Variants in ALPK3 observed in about 807,000 individuals in gnomAD.
The protein encoded by ALPK3 is alpha-protein kinase 3.
ALPK3 carries 102 observed loss-of-function variants against 140.0 expected under a neutral mutation model. The observed-to-expected ratio is 0.73, with a 90% confidence interval of 0.62 to 0.86. The LOEUF (loss-of-function observed/expected upper bound fraction) is 0.86. Among genes scored for constraint, ALPK3 ranks in the 40% least tolerant of loss-of-function variants. The pLI is 0.00. For missense variants in ALPK3, 2,254 were observed against 2,208.2 expected, an observed-to-expected ratio of 1.02 and a Z score of -0.42; for synonymous variants, 938 against 898.5, an observed-to-expected ratio of 1.04 and a Z score of -0.79.
chr15:84,847,262 T>G (rs1157166730), intron 5 of ALPK3, among the ~76,000 whole-genome samples: 1 of 103,074 alleles, frequency 9.7e-6, no homozygotes, highest in Admixed American at 1.0e-4. Flanking sequence ...ATCAGAAAAA[T>G]CAATGAACAG....
At chr15:84,824,648 C>T (rs1012379769) in intron 2 of ALPK3, among the ~76,000 whole-genome samples, 4 of 152,120 alleles carry the variant, frequency 2.6e-5, no homozygotes, top group Non-Finnish European at 5.9e-5. Context: ...GTGTGGTAAG[C>T]GTTGACAGGA....
At chr15:84,827,432 T>G in intron 2 of ALPK3, 52 bp from the exon 3 acceptor site, 1 of 1,610,850 alleles carries the variant, frequency 6.2e-7, no homozygotes. Flanking sequence ...GGCCAGGCTG[T>G]GCTGTTTGTT....
chr15:84,823,430 G>A, intron 2 of ALPK3, 62 bp downstream of exon 2: 2 of 1,582,516 alleles, frequency 1.3e-6, no homozygotes, highest in Non-Finnish European at 1.7e-6. Flanking sequence ...GCATTGAGGG[G>A]CCACTGAGTG....
chr15:84,867,256 A>T (rs1964012159), intron 12 of ALPK3, 61 bp from the exon 13 acceptor site: 2 of 1,539,320 alleles, frequency 1.3e-6, no homozygotes, highest in African/African-American at 2.8e-5. Flanking sequence ...TTCCTGCTGG[A>T]GATGTGGGGG....
At chr15:84,827,003 G>A (rs1026063992) in intron 2 of ALPK3, among the ~76,000 whole-genome samples, 9 of 152,190 alleles carry the variant, frequency 5.9e-5, no homozygotes, top group African/African-American at 2.2e-4. Flanking sequence ...CTCTAGGAGA[G>A]GCTCCTGTGC....
chr15:84,847,477 A>T (rs1350498092), intron 5 of ALPK3, among the ~76,000 whole-genome samples: 12 of 152,222 alleles, frequency 7.9e-5, no homozygotes, highest in Non-Finnish European at 1.6e-4. Context: ...GAAACCTCAT[A>T]GCCAAACTGT....
chr15:84,853,912 G>A (rs1279872677), intron 5 of ALPK3, among the ~76,000 whole-genome samples: 1 of 152,148 alleles, frequency 6.6e-6, no homozygotes, highest in South Asian at 2.1e-4. Flanking sequence ...TCTTTAGGAG[G>A]CTGAGGTGGG....
At chr15:84,827,731 T>C in intron 3 of ALPK3, 126 bp downstream of exon 3, 1 of 1,324,434 alleles carries the variant, frequency 7.6e-7, no homozygotes, top group Non-Finnish European at 1.0e-6. Flanking sequence ...TGACATTTAC[T>C]TTCTGAGCTT....
intron 5 of ALPK3, among the ~76,000 whole-genome samples, chr15:84,845,801 G>A (rs183138954): frequency 1.3e-5 from 2 of 152,354 alleles, no homozygotes; most frequent in African/African-American, 4.8e-5. Flanking sequence ...GCTCATGCCT[G>A]TAATCCCAGC....
intron 12 of ALPK3, among the ~76,000 whole-genome samples, chr15:84,866,294 A>G (rs779976249): frequency 1.3e-5 from 2 of 152,258 alleles, no homozygotes; most frequent in Non-Finnish European, 1.5e-5. Flanking sequence ...ACACTAAGTT[A>G]GAGTCCTACA....
chr15:84,832,304 C>T (rs1259298680), intron 3 of ALPK3, among the ~76,000 whole-genome samples: 2 of 152,160 alleles, frequency 1.3e-5, no homozygotes, highest in African/African-American at 4.8e-5. Flanking sequence ...AGTCAGTTTC[C>T]ACTTGTCCAT....
rs770534552 is a variant in ALPK3 at position 84,863,627 on chromosome 15, G to T, written c.4486G>T (p.Gly1496Trp). The change falls in exon 11 of 14, where the codon GGG becomes TGG. Residue 1496 changes from glycine (G) to tryptophan (W), a missense_variant. Transcript: ENST00000258888. The stretch of plus-strand genomic sequence containing the variant: ...AGAAGCCCGGGCCGCGCCTGGCTTT[G>T]GGGAGGTGCCTGAGTAAGTACGCAG... ...AAEARAAPGF[G>W]EVPEIIPLYL... 6.2e-7 allele frequency: 1 copy of T among 1,613,842 alleles called. No homozygotes were observed. The highest frequency in any genetic ancestry group is 1.3e-5 in the African/African-American group (1 of 74,908).
chr15:84,825,424 C>T (rs916800058), intron 2 of ALPK3, among the ~76,000 whole-genome samples: 1 of 152,214 alleles, frequency 6.6e-6, no homozygotes, highest in Non-Finnish European at 1.5e-5. Context: ...ATCCGCCAGC[C>T]TCAGCCTCCC....
chr15:84,865,645 A>G (rs1454417172), intron 12 of ALPK3, among the ~76,000 whole-genome samples: 1 of 152,244 alleles, frequency 6.6e-6, no homozygotes, highest in Non-Finnish European at 1.5e-5. Flanking sequence ...CTGTGAGACG[A>G]TAACGTGGCA....
chr15:84,841,742 T>G (rs1289457597), intron 5 of ALPK3, among the ~76,000 whole-genome samples: 1 of 151,902 alleles, frequency 6.6e-6, no homozygotes, highest in Non-Finnish European at 1.5e-5. Flanking sequence ...TTAAGGAGCT[T>G]GAGGGGTGGG....
chr15:84,840,468 G>C lies in ALPK3; in HGVS notation c.1189G>C (p.Asp397His), dbSNP rs747749026. 1 of 1,613,734 alleles carries C rather than the reference G, an allele frequency of 6.2e-7. No homozygotes were observed. The highest frequency in any genetic ancestry group is 8.5e-7 in the Non-Finnish European group (1 of 1,179,886). The change falls in exon 5 of 14, where the codon GAC (aspartate) becomes CAC (histidine). Residue 397 changes from aspartate to histidine, a missense_variant. Asp to His is a moderately conservative substitution (Grantham distance 81). Transcript: ENST00000258888. ...GCCAGCCTCTGCTGTGGGCACTCCA[G>C]ACAAGGCCCAGAAGGCCCCTGGCCC... ...RKPASAVGTPDKAQKAPGPGP... is the reference protein window; with the variant it reads ...RKPASAVGTPHKAQKAPGPGP...
chr15:84,841,068 A>G (rs1042913934), intron 5 of ALPK3, 136 bp downstream of exon 5: 3 of 1,207,560 alleles, frequency 2.5e-6, no homozygotes, highest in Non-Finnish European at 3.4e-6. Context: ...AGTGCCAGCT[A>G]CAGGGACCAC....
Position 84,857,313 on chromosome 15 carries a change from G to A in ALPK3, c.2575G>A (p.Gly859Ser), listed in dbSNP as rs1227488256. 4 of 1,614,136 alleles carry A rather than the reference G, an allele frequency of 2.5e-6. No homozygotes were observed. The African/African-American group carries it at 4.0e-5, about 16-fold the overall frequency. ...GGATCAGGGTGGCTGTCCTCTAGCT[G>A]GCCTGAGCCAGGAGGTACCCACGAT... ...CMDQGGCPLA[G>S]LSQEVPTMPS... is the part of the protein sequence containing the mutation. The change falls in exon 6 of 14, where the codon GGC (glycine) becomes AGC (serine). Residue 859 changes from glycine (G) to serine (S), a missense_variant. Gly to Ser is a moderately conservative substitution (Grantham distance 56). This residue lies in a region of ALPK3 where 2,088 missense variants were observed against 2,022.9 expected (regional missense o/e 1.03). Coordinates refer to ENST00000258888, the MANE Select transcript of ALPK3 (RefSeq NM_020778.5).
rs143514559 is a variant in ALPK3 at position 84,868,237 on chromosome 15, C to T, written c.4899C>T (p.Pro1633=). ...TPLKGPEAAH[P]QAKAKGSKSP... ...TCAAGGGCCCGGAGGCGGCCCACCC[C>T]CAAGCCAAAGCCAAAGGCTCTAAGA... Residue 1633 remains proline (P), a synonymous_variant, in exon 14 of 14, where the codon CCC becomes CCT. Coordinates refer to ENST00000258888, the MANE Select transcript of ALPK3 (RefSeq NM_020778.5). The T allele has an allele frequency of 9.3e-6, 15 of 1,614,214 alleles. No individual in the cohort carries two copies. Among genetic ancestry groups the T allele is most frequent in the Middle Eastern group, 1.6e-4 (1 of 6,062 alleles).
Sources: gnomAD v4.1 joint callset for allele counts (sites outside exome capture counted in the v4.1 genomes callset) on GRCh38, gnomAD v4.1.1 for gene constraint, gnomAD v4.1.1 regional missense constraint, MANE v1.5 for transcripts, NCBI Gene and HGNC (gene_info 2026-07-23, HGNC 2026-07-21) for gene names.